Variants in CD1B observed in about 807,000 individuals in gnomAD.
CD1B encodes T-cell surface glycoprotein CD1b.
A neutral mutation model predicts 39.8 loss-of-function variants in CD1B; 43 were observed. That is an observed-to-expected ratio of 1.08 (90% confidence interval 0.85 to 1.39). The LOEUF (loss-of-function observed/expected upper bound fraction) is 1.39, where lower values mean the gene tolerates loss of function less well. CD1B is among the 40% of genes most tolerant of loss of function. The pLI, the probability that CD1B is intolerant of heterozygous loss-of-function variation, is 0.00. For synonymous variants in CD1B, 192 were observed against 152.5 expected (o/e 1.26, Z -1.91); for missense variants, 495 against 403.8 (o/e 1.23, Z -1.94).
chr1:158,293,631 T>G, the CD1B span: 1 of 1,561,024 alleles, frequency 6.4e-7, no homozygotes. Flanking sequence ...TAATTTGGAA[T>G]GTTTTTCTTG....
the CD1B span, among the ~76,000 whole-genome samples, chr1:158,298,935 T>G: frequency 4.6e-5 from 7 of 152,212 alleles, no homozygotes; most frequent in Non-Finnish European, 1.0e-4. Context: ...TGGGGTTTTC[T>G]AAATATACAA....
Position 158,329,372 on chromosome 1 carries a change from C to T in CD1B, c.884G>A (p.Trp295Ter), listed in dbSNP as rs769924792. ...CCTGGGTCCCTGCTATTTCTTACTCCAGTAGAGGATGATGTCCTGGCCCTC... is the reference window on the plus strand; with the variant it reads ...CCTGGGTCCCTGCTATTTCTTACTCTAGTAGAGGATGATGTCCTGGCCCTC... ...SLEGQDIILY[W>*]RNPTSIGSIV... The change falls in exon 4 of 6, where the codon TGG (tryptophan) becomes TAG (stop). Residue 295 changes from tryptophan (W) to a stop codon, truncating the protein, a stop_gained and splice_region_variant. Transcript: ENST00000368168. LOFTEE classifies it high-confidence loss of function. 8 of 1,612,690 alleles carry T rather than the reference C, an allele frequency of 5.0e-6. No homozygotes were observed. Among genetic ancestry groups the T allele is most frequent in the Non-Finnish European group, 6.8e-6 (8 of 1,179,096 alleles).
At position 158,331,506 on chromosome 1, in the gene CD1B, G is replaced by A. The variant is rs1227607192; in HGVS notation, c.-83C>T. ...CAAAGCTTTTCCTCAGTACCCTGTA[G>A]TGACTTCTTCTCTCTTCCAACTGCC... On this transcript the variant is annotated 5_prime_UTR_variant, in exon 1 of 6. Coordinates refer to ENST00000368168, the MANE Select transcript of CD1B (RefSeq NM_001764.3). 4 of 1,118,552 alleles carry A rather than the reference G, an allele frequency of 3.6e-6. No homozygotes were observed. In the African/African-American group the frequency reaches 4.6e-5, roughly 13 times the overall value. 69.3% of individuals were successfully genotyped at this position (1,118,552 alleles called of 1,614,324 possible).
rs751426042 is a variant in CD1B at position 158,329,560 on chromosome 1, C to A, written c.696G>T (p.Lys232Asn). 2.9e-5 allele frequency: 46 copies of A among 1,613,990 alleles called. No homozygotes were observed. The Admixed American group carries it at 7.5e-4, about 26-fold the overall frequency. ...LVCHVSGFYPKPVWVMWMRGE... is the reference protein window; with the variant it reads ...LVCHVSGFYPNPVWVMWMRGE... ...CCCGCATCCACATCACCCACACGGGCTTTGGGTAGAATCCTGAGACATGGC... is the reference window on the plus strand; with the variant it reads ...CCCGCATCCACATCACCCACACGGGATTTGGGTAGAATCCTGAGACATGGC... Residue 232 changes from lysine (K) to asparagine (N), a missense_variant, in exon 4 of 6, where the codon AAG (lysine) becomes AAT (asparagine). Lys to Asn is a moderately conservative substitution (Grantham distance 94). Transcript: ENST00000368168.
chr1:158,289,894 T>C, the CD1B span: 48 of 576,870 alleles, frequency 8.3e-5, no homozygotes, highest in Admixed American at 1.2e-3. Context: ...AATGAGAGAT[T>C]GAGTAGGAGG....
chr1:158,308,517 T>C, the CD1B span, among the ~76,000 whole-genome samples: 1 of 152,138 alleles, frequency 6.6e-6, no homozygotes, highest in African/African-American at 2.4e-5. Flanking sequence ...GAGCCCGCAT[T>C]GCCAAGTCAA....
the CD1B span, among the ~76,000 whole-genome samples, chr1:158,305,685 G>T: frequency 6.6e-6 from 1 of 152,150 alleles, no homozygotes; most frequent in Non-Finnish European, 1.5e-5. Flanking sequence ...CAGAGAGAAA[G>T]GTGGGGTTAC....
rs777813852 is a variant in CD1B, at chr1:158,329,495, A to T, written c.761T>A (p.Leu254Gln). 8 of 1,614,044 alleles carry T rather than the reference A, an allele frequency of 5.0e-6. No individual in the cohort carries two copies. In the Admixed American group the frequency reaches 1.3e-4, roughly 27 times the overall value. The change falls in exon 4 of 6, where the codon CTG becomes CAG. Residue 254 changes from leucine to glutamine, a missense_variant. By Grantham distance (113) the Leu-to-Gln change is moderately radical (BLOSUM62 -2). Transcript: ENST00000368168. The stretch of plus-strand genomic sequence containing the variant: ...ATACCATGTCCAGTTAGCATTGGGC[A>T]GGATGTCCCCTAGCTGAGTGCCCTG... ...EQQGTQLGDI[L>Q]PNANWTWYLR... is the part of the protein sequence containing the mutation.
At chr1:158,310,200 C>T in the CD1B span, among the ~76,000 whole-genome samples, 1 of 152,150 alleles carries the variant, frequency 6.6e-6, no homozygotes, top group Non-Finnish European at 1.5e-5. Context: ...ACAATGTCAA[C>T]AGTAAGAAGC....
chr1:158,292,232 C>T, the CD1B span: 1 of 1,614,076 alleles, frequency 6.2e-7, no homozygotes, highest in Non-Finnish European at 8.5e-7. Context: ...GAAGTTTGGC[C>T]CAAAGTGTCT....
the CD1B span, among the ~76,000 whole-genome samples, chr1:158,309,070 G>A: frequency 2.0e-5 from 3 of 152,286 alleles, no homozygotes; most frequent in South Asian, 4.1e-4. Flanking sequence ...GAAAACTTTT[G>A]CAACCTACTC....
chr1:158,291,296 A>G, the CD1B span: 32 of 1,613,980 alleles, frequency 2.0e-5, no homozygotes, highest in Non-Finnish European at 2.7e-5. Context: ...TCCAAGGGCA[A>G]CTTCAGCAAT....
chr1:158,318,559 C>G, the CD1B span, among the ~76,000 whole-genome samples: 4 of 152,110 alleles, frequency 2.6e-5, no homozygotes, highest in African/African-American at 9.7e-5. Context: ...GTGTGTGTCT[C>G]TGCACGTGAG....
At chr1:158,306,887 A>T in the CD1B span, among the ~76,000 whole-genome samples, 1 of 152,194 alleles carries the variant, frequency 6.6e-6, no homozygotes, top group Non-Finnish European at 1.5e-5. Context: ...ACCAACGAGA[A>T]CAAAGACACA....
chr1:158,327,037 T>C (rs1403395087), downstream of CD1B, among the ~76,000 whole-genome samples: 2 of 152,192 alleles, frequency 1.3e-5, no homozygotes, highest in Admixed American at 6.5e-5. Flanking sequence ...CCTCAGGTGA[T>C]CCACCTGCCT....
At chr1:158,292,309 G>T in the CD1B span, 1 of 1,614,182 alleles carries the variant, frequency 6.2e-7, no homozygotes, top group Non-Finnish European at 8.5e-7. Flanking sequence ...AGAAGCACTT[G>T]CCCCCGATTT....
At chr1:158,312,701 TAATATCCTGA>T in the CD1B span, among the ~76,000 whole-genome samples, 2 of 152,244 alleles carry the variant, frequency 1.3e-5, no homozygotes, top group Admixed American at 1.3e-4. Context: ...TATATGCATT[TAATATCCTGA>T]AATTTTACTG....
the CD1B span, among the ~76,000 whole-genome samples, chr1:158,288,078 T>A: frequency 6.6e-6 from 1 of 152,244 alleles, no homozygotes; most frequent in East Asian, 1.9e-4. Flanking sequence ...AAACACATAA[T>A]GTGGTATCTA....
At chr1:158,293,761 A>C in the CD1B span, 3 of 611,140 alleles carry the variant, frequency 4.9e-6, no homozygotes, top group East Asian at 5.7e-5. Flanking sequence ...ATGTGCATGC[A>C]ACACTTCCTA....
Sources: allele counts gnomAD v4.1 joint callset (sites outside exome capture counted in the v4.1 genomes callset), GRCh38; gene constraint gnomAD v4.1.1; transcripts MANE v1.5; gene names NCBI Gene and HGNC (gene_info 2026-07-23, HGNC 2026-07-21).